Variants in DNAH8 observed in about 807,000 individuals in gnomAD.
DNAH8 encodes the protein axonemal beta dynein heavy chain 8.
A neutral mutation model predicts 562.1 loss-of-function variants in DNAH8; 382 were observed. That is an observed-to-expected ratio of 0.68 (90% CI 0.63 to 0.74). DNAH8 has a LOEUF of 0.74. Among genes scored for constraint, DNAH8 ranks in the 30% least tolerant of loss-of-function variants. The pLI is 0.00. For missense variants in DNAH8, 5,203 were observed against 5,620.4 expected (o/e 0.93, Z 2.37); for synonymous variants, 1,881 against 1,919.4 (o/e 0.98, Z 0.52).
At chr6:38,819,853 AAC>A (rs1352441482) in intron 26 of DNAH8, among the ~76,000 whole-genome samples, 1 of 152,192 alleles carries the variant, frequency 6.6e-6, no homozygotes, top group African/African-American at 2.4e-5. Flanking sequence ...GTATAATAGA[AAC>A]ACAGATTTTT....
rs1772185037 is a variant in DNAH8 at position 38,815,601 on chromosome 6, C to T, written c.3467C>T (p.Pro1156Leu). ...CCCATCAAGTCTGTCATTCCCAGCC[C>T]CACCACTACTGACGTGACCCATCAA... ...IRPIKSVIPSPTTTDVTHQNT... is the reference protein window; with the variant it reads ...IRPIKSVIPSLTTTDVTHQNT... The change falls in exon 26 of 93, where the codon CCC becomes CTC. Residue 1156 changes from proline to leucine, a missense_variant. Coordinates refer to ENST00000327475, the MANE Select transcript of DNAH8 (RefSeq NM_001206927.2). 3.7e-6 allele frequency: 6 copies of T among 1,613,964 alleles called. No homozygotes were observed. Among genetic ancestry groups the T allele is most frequent in the Non-Finnish European group, 5.1e-6 (6 of 1,179,956 alleles).
At chr6:38,844,836 C>T (rs1009306847) in intron 35 of DNAH8, among the ~76,000 whole-genome samples, 1 of 152,176 alleles carries the variant, frequency 6.6e-6, no homozygotes, top group African/African-American at 2.4e-5. Context: ...ATCTCACCTC[C>T]TCCTCTACGA....
At chr6:38,738,979 A>G (rs1490608233) in intron 7 of DNAH8, among the ~76,000 whole-genome samples, 1 of 152,082 alleles carries the variant, frequency 6.6e-6, no homozygotes, top group Non-Finnish European at 1.5e-5. Flanking sequence ...ATCTTGGTTT[A>G]CTTGGTATTA....
intron 61 of DNAH8, 37 bp from the exon 62 acceptor site, chr6:38,899,739 C>CT (rs1175457191): frequency 1.2e-6 from 2 of 1,609,340 alleles, no homozygotes; most frequent in Non-Finnish European, 8.5e-7. Flanking sequence ...ACATTGCATT[C>CT]TTTTTTCAAA....
At chr6:38,856,349 G>A (rs868593182) in intron 41 of DNAH8, among the ~76,000 whole-genome samples, 2 of 152,112 alleles carry the variant, frequency 1.3e-5, no homozygotes, top group Non-Finnish European at 1.5e-5. Flanking sequence ...TTTAGACTGA[G>A]TATAAAAACA....
rs560210416 is a variant in DNAH8, at chr6:38,958,538, A to C, written c.12451+7018A>C. ...AAATTGGAAAACTTAGAATAAATGG[A>C]TAAATTTCTGGACAAATATAACCTA... On this transcript the variant is annotated intron_variant, in intron 82 of 92. Coordinates refer to ENST00000327475, the MANE Select transcript of DNAH8 (RefSeq NM_001206927.2). 4.6e-5 allele frequency among the ~76,000 whole-genome samples: 7 copies of C among 151,432 alleles called. No homozygotes were observed. The South Asian group carries it at 1.5e-3, about 32-fold the overall frequency.
At chr6:38,872,495 C>G (rs753722727) in intron 49 of DNAH8, 41 bp from the exon 50 acceptor site, 1 of 1,594,362 alleles carries the variant, frequency 6.3e-7, no homozygotes, top group Non-Finnish European at 8.6e-7. Context: ...CAGCAAGAGA[C>G]TCATAAATTA....
chr6:38,952,829 T>C (rs1762011838), intron 82 of DNAH8, among the ~76,000 whole-genome samples: 2 of 152,232 alleles, frequency 1.3e-5, no homozygotes, highest in African/African-American at 4.8e-5. Flanking sequence ...CAACTGCTCA[T>C]GGTTAAGTCT....
chr6:38,770,676 A>T, intron 12 of DNAH8, 117 bp downstream of exon 12: 1 of 996,194 alleles, frequency 1.0e-6, no homozygotes, highest in East Asian at 2.8e-5. Flanking sequence ...TATTGTTATG[A>T]CTTGTCTAAT....
intron 82 of DNAH8, among the ~76,000 whole-genome samples, chr6:38,964,825 G>C (rs1762866141): frequency 6.6e-6 from 1 of 152,150 alleles, no homozygotes; most frequent in Non-Finnish European, 1.5e-5. Context: ...ACTTTAGGAG[G>C]CTGAGGCAGA....
intron 86 of DNAH8, among the ~76,000 whole-genome samples, chr6:38,983,991 T>C (rs1276460632): frequency 6.6e-6 from 1 of 152,164 alleles, no homozygotes; most frequent in Non-Finnish European, 1.5e-5. Context: ...TACTTACCAG[T>C]GTTTAGTATT....
chr6:38,887,931 G>A (rs567001838), intron 57 of DNAH8, among the ~76,000 whole-genome samples: 1 of 149,382 alleles, frequency 6.7e-6, no homozygotes, highest in Non-Finnish European at 1.5e-5. Context: ...CTGACTCCTG[G>A]GTTCAAGCGA....
rs1582824947 is a variant in DNAH8 at position 38,723,113 on chromosome 6, T to C, written c.304T>C (p.Ser102Pro). The part of the protein sequence containing the change: ...PVQSVISEVL[S>P]LPSSRRSSRY... Reference sequence around the variant, plus strand: ...TCAGTCAGTGATTTCGGAAGTGCTGTCCTTGCCGTCTTCCCGGAGGTCCTC... The same window carrying C: ...TCAGTCAGTGATTTCGGAAGTGCTGCCCTTGCCGTCTTCCCGGAGGTCCTC... Residue 102 changes from serine (S) to proline (P), a missense_variant, in exon 2 of 93, where the codon TCC becomes CCC. Transcript: ENST00000327475. 4 of 1,612,874 alleles carry C rather than the reference T, an allele frequency of 2.5e-6. No individual in the cohort carries two copies. The highest frequency in any genetic ancestry group is 2.2e-5 in the South Asian group (2 of 91,076).
At chr6:38,811,357 A>G (rs540668847) in intron 24 of DNAH8, among the ~76,000 whole-genome samples, 2 of 152,322 alleles carry the variant, frequency 1.3e-5, no homozygotes, top group African/African-American at 2.4e-5. Flanking sequence ...CACACTGGAC[A>G]TGTGGTTATT....
At chr6:38,808,047 T>G (rs544871995) in intron 24 of DNAH8, among the ~76,000 whole-genome samples, 2 of 152,322 alleles carry the variant, frequency 1.3e-5, no homozygotes, top group Admixed American at 1.3e-4. Flanking sequence ...AATCCACGTA[T>G]CATTTAATTT....
intron 79 of DNAH8, among the ~76,000 whole-genome samples, chr6:38,942,688 C>T (rs1783556654): frequency 6.6e-6 from 1 of 152,150 alleles, no homozygotes; most frequent in Non-Finnish European, 1.5e-5. Flanking sequence ...GGATTGCAGT[C>T]CAGGGCCCCA....
chr6:38,781,375 T>C lies in DNAH8; in HGVS notation c.2259+2T>C. The C allele has an allele frequency of 6.2e-7, 1 of 1,612,768 alleles. No homozygotes were observed. Among genetic ancestry groups the C allele is most frequent in the Non-Finnish European group, 8.5e-7 (1 of 1,179,462 alleles). On this transcript the variant is annotated splice_donor_variant, in intron 16 of 92. Transcript: ENST00000327475. LOFTEE classifies it high-confidence loss of function. The stretch of plus-strand genomic sequence containing the variant: ...AGTGAGCCCATCAATTATTTCTTTG[T>C]AAGCCAAGAATTAAATTTTAATATG...
chr6:38,797,507 C>T (rs993387098), intron 21 of DNAH8, among the ~76,000 whole-genome samples: 4 of 152,176 alleles, frequency 2.6e-5, no homozygotes, highest in Admixed American at 2.6e-4. Context: ...CTCTCTCCCT[C>T]TCTCCCTTTC....
chr6:38,735,778 A>C (rs1038899441), intron 5 of DNAH8, among the ~76,000 whole-genome samples: 1 of 152,318 alleles, frequency 6.6e-6, no homozygotes, highest in South Asian at 2.1e-4. Context: ...AAACCCTTTT[A>C]ATGGATTCTT....
Sources: allele counts gnomAD v4.1 joint callset (sites outside exome capture counted in the v4.1 genomes callset), GRCh38; gene constraint gnomAD v4.1.1; transcripts MANE v1.5; gene names NCBI Gene and HGNC (gene_info 2026-07-23, HGNC 2026-07-21).